Variants in PIP5K1A observed in about 807,000 individuals in gnomAD.
PIP5K1A encodes phosphatidylinositol 4-phosphate 5-kinase type-1 alpha.
A neutral mutation model predicts 72.9 loss-of-function variants in PIP5K1A; 46 were observed. The ratio of observed to expected loss-of-function variants is 0.63; its 90% CI spans 0.50 to 0.81. The LOEUF is 0.81. Among genes scored for constraint, PIP5K1A ranks in the 30% least tolerant of loss-of-function variants. The pLI, the probability that PIP5K1A is intolerant of heterozygous loss-of-function variation, is 0.00. For synonymous variants in PIP5K1A, 228 were observed against 255.1 expected, an observed-to-expected ratio of 0.89 and a Z score of 1.01; for missense variants, 458 against 706.1, an observed-to-expected ratio of 0.65 and a Z score of 3.98.
chr1:151,202,795 G>A (rs887352840), intron 1 of PIP5K1A, among the ~76,000 whole-genome samples: 1 of 148,752 alleles, frequency 6.7e-6, no homozygotes, highest in African/African-American at 2.5e-5. Flanking sequence ...TTTTTTGAGA[G>A]GGAGTCTCTC....
chr1:151,222,141 T>A (rs1558263817), intron 1 of PIP5K1A, among the ~76,000 whole-genome samples: 1 of 152,152 alleles, frequency 6.6e-6, no homozygotes, highest in African/African-American at 2.4e-5. Flanking sequence ...GATACGATAT[T>A]TTTCTCTTCT....
intron 9 of PIP5K1A, 58 bp downstream of exon 9, chr1:151,236,821 C>CTTTTTTTTTT (rs369523470): frequency 2.5e-4 from 127 of 498,712 alleles, no homozygotes; most frequent in African/African-American, 6.6e-4. Flanking sequence ...CTTTTCTTTT[C>CTTTTTTTTTT]TTTTTTTTTT....
At position 151,213,132 on chromosome 1, in the gene PIP5K1A, C is replaced by G. The variant is rs1236674560; in HGVS notation, c.86-11113C>G. On this transcript the variant is annotated intron_variant, in intron 1 of 15. Coordinates refer to ENST00000368888, the MANE Select transcript of PIP5K1A (RefSeq NM_001135638.2). ...TGGTCTCGATCTGACCTTGTGATTCCCCCGCCTTGGCCTCCCAAAGTGCTG... is the reference window on the plus strand; with the variant it reads ...TGGTCTCGATCTGACCTTGTGATTCGCCCGCCTTGGCCTCCCAAAGTGCTG... 2.0e-5 allele frequency among the ~76,000 whole-genome samples: 3 copies of G among 151,984 alleles called. No individual in the cohort carries two copies. In the East Asian group the frequency reaches 5.8e-4, roughly 29 times the overall value.
intron 1 of PIP5K1A, among the ~76,000 whole-genome samples, chr1:151,220,086 A>G (rs1688205232): frequency 6.6e-6 from 1 of 151,832 alleles, no homozygotes; most frequent in African/African-American, 2.4e-5. Flanking sequence ...GCTCACTGCA[A>G]TCTCTGTCTC....
In PIP5K1A at chr1:151,240,013, G is replaced by T; in HGVS notation, c.1337G>T (p.Cys446Phe). 6.2e-7 allele frequency: 1 copy of T among 1,612,514 alleles called. No individual in the cohort carries two copies. Among genetic ancestry groups the T allele is most frequent in the Non-Finnish European group, 8.5e-7 (1 of 1,179,036 alleles). ...FYAERFQRFM[C>F]NTVFKKIPLK... ...GCTGAACGGTTCCAGCGCTTCATGTGCAACACAGTATTTAAGAAGATTCCC... is the reference window on the plus strand; with the variant it reads ...GCTGAACGGTTCCAGCGCTTCATGTTCAACACAGTATTTAAGAAGATTCCC... Residue 446 changes from cysteine (C) to phenylalanine (F), a missense_variant, in exon 12 of 16, where the codon TGC (cysteine) becomes TTC (phenylalanine). Physicochemically the swap from Cys to Phe is radical, Grantham distance 205. Around this residue, in one of 3 missense-constraint regions of PIP5K1A, gnomAD observed 157 missense variants for 175.5 expected, o/e 0.89. Coordinates refer to ENST00000368888, the MANE Select transcript of PIP5K1A (RefSeq NM_001135638.2).
At chr1:151,208,365 T>C (rs1482222293) in intron 1 of PIP5K1A, among the ~76,000 whole-genome samples, 3 of 149,716 alleles carry the variant, frequency 2.0e-5, no homozygotes, top group African/African-American at 7.3e-5. Flanking sequence ...TCTTTTCTTT[T>C]TTTTTTTTTT....
At chr1:151,209,444 T>G (rs1686464126) in intron 1 of PIP5K1A, among the ~76,000 whole-genome samples, 1 of 150,150 alleles carries the variant, frequency 6.7e-6, no homozygotes, top group Non-Finnish European at 1.5e-5. Context: ...CTAATTTTTT[T>G]TTTTTTTTTT....
chr1:151,213,914 A>C (rs1197208089), intron 1 of PIP5K1A, among the ~76,000 whole-genome samples: 2 of 152,218 alleles, frequency 1.3e-5, no homozygotes, highest in Non-Finnish European at 2.9e-5. Flanking sequence ...ATAGAAATTT[A>C]AAGTTACAAA....
upstream of PIP5K1A, chr1:151,198,033 A>G (rs780829675): frequency 6.4e-6 from 3 of 470,660 alleles, no homozygotes; most frequent in South Asian, 4.7e-5. Context: ...TCAAATATTT[A>G]CTGAACTCCG....
At chr1:151,242,588 C>T in intron 14 of PIP5K1A, 21 bp downstream of exon 14, 1 of 1,605,170 alleles carries the variant, frequency 6.2e-7, no homozygotes, top group Non-Finnish European at 8.5e-7. Context: ...TGGCCCCTTT[C>T]TCCATATAAT....
chr1:151,237,094 T>C (rs1236065813), intron 9 of PIP5K1A, among the ~76,000 whole-genome samples: 1 of 152,164 alleles, frequency 6.6e-6, no homozygotes, highest in East Asian at 1.9e-4. Context: ...CCTCCCGTAG[T>C]GCAGGGATTA....
intron 1 of PIP5K1A, among the ~76,000 whole-genome samples, chr1:151,220,189 A>C (rs757697163): frequency 4.0e-4 from 61 of 151,672 alleles, no homozygotes; most frequent in Admixed American, 2.0e-4. Context: ...TATTTTTAGT[A>C]GAGACGGGGT....
At chr1:151,232,505 G>C in intron 6 of PIP5K1A, 46 bp from the exon 7 acceptor site, 2 of 1,572,162 alleles carry the variant, frequency 1.3e-6, no homozygotes, top group Non-Finnish European at 1.7e-6. Context: ...TGTTGGGCAA[G>C]GCCCTGATGT....
At chr1:151,232,522 A>G (rs757230459) in intron 6 of PIP5K1A, 29 bp from the exon 7 acceptor site, 4 of 1,590,110 alleles carry the variant, frequency 2.5e-6, no homozygotes, top group Non-Finnish European at 3.4e-6. Flanking sequence ...ATGTGTCTAA[A>G]TCTCTTAGTT....
chr1:151,244,445 G>A (rs1408726175), intron 14 of PIP5K1A, among the ~76,000 whole-genome samples: 1 of 152,164 alleles, frequency 6.6e-6, no homozygotes, highest in Non-Finnish European at 1.5e-5. Context: ...CTTGAGCCTA[G>A]GAGTTTAAGA....
At chr1:151,220,154 GTCA>G (rs1288907432) in intron 1 of PIP5K1A, among the ~76,000 whole-genome samples, 1 of 151,472 alleles carries the variant, frequency 6.6e-6, no homozygotes, top group Non-Finnish European at 1.5e-5. Flanking sequence ...TACAGGTGGT[GTCA>G]TCATGCTTGG....
Position 151,246,919 on chromosome 1 carries a change from G to A in PIP5K1A, c.1641-1G>A, listed in dbSNP as rs777674010. On this transcript the variant is annotated splice_acceptor_variant, in intron 14 of 15. Coordinates refer to ENST00000368888, the MANE Select transcript of PIP5K1A (RefSeq NM_001135638.2). LOFTEE classifies it high-confidence loss of function. ...TGCTTCCATTTTTTTTCTCCTGTTAGTACAACCTTGGAAAAGCTTGAAGTT... is the reference window on the plus strand; with the variant it reads ...TGCTTCCATTTTTTTTCTCCTGTTAATACAACCTTGGAAAAGCTTGAAGTT... 4.3e-6 allele frequency: 7 copies of A among 1,611,494 alleles called. No homozygotes were observed. Among genetic ancestry groups the A allele is most frequent in the Non-Finnish European group, 5.9e-6 (7 of 1,178,078 alleles).
At chr1:151,214,259 T>A (rs1388894372) in intron 1 of PIP5K1A, among the ~76,000 whole-genome samples, 1 of 152,224 alleles carries the variant, frequency 6.6e-6, no homozygotes, top group Non-Finnish European at 1.5e-5. Flanking sequence ...TTGTAATGTA[T>A]AACCTTGTAT....
intron 14 of PIP5K1A, 149 bp downstream of exon 14, chr1:151,242,716 A>T: frequency 1.4e-6 from 1 of 730,288 alleles, no homozygotes; most frequent in Non-Finnish European, 2.3e-6. Flanking sequence ...GTGGGTCAGG[A>T]ATCCAGGCCC....
Sources: gnomAD v4.1 joint callset for allele counts (sites outside exome capture counted in the v4.1 genomes callset) on GRCh38, gnomAD v4.1.1 for gene constraint, gnomAD v4.1.1 regional missense constraint, MANE v1.5 for transcripts, NCBI Gene and HGNC (gene_info 2026-07-23, HGNC 2026-07-21) for gene names.